TOX2: variants seen among roughly 807,000 people sequenced by gnomAD.
TOX2 encodes TOX high mobility group box family member 2.
Under a neutral mutation model 47.4 loss-of-function variants are expected in TOX2, and 15 were observed. That is an observed-to-expected ratio of 0.32 (90% CI 0.21 to 0.49). TOX2 has a LOEUF of 0.49. Among genes scored for constraint, TOX2 ranks in the 20% least tolerant of loss-of-function variants. The pLI is 0.99. For missense variants in TOX2, 622 were observed against 673.1 expected (o/e 0.92, Z 0.84); for synonymous variants, 290 against 296.6 (o/e 0.98, Z 0.23).
At position 44,068,762 on chromosome 20, in the gene TOX2, G is replaced by A; in HGVS notation, c.*76G>A. ...CTGAAGGGCTGACAGCAGAAAAGAG[G>A]CCCTGGCCAGAGGCAGGGTGGCCCA... On this transcript the variant is annotated 3_prime_UTR_variant, in exon 9 of 9. Coordinates refer to ENST00000341197, the MANE Select transcript of TOX2 (RefSeq NM_001098797.2). 6.3e-7 allele frequency: 1 copy of A among 1,595,378 alleles called. No individual in the cohort carries two copies. The highest frequency in any genetic ancestry group is 1.1e-5 in the South Asian group (1 of 89,426).
At chr20:44,037,422 G>C (rs1164709876) in intron 3 of TOX2, among the ~76,000 whole-genome samples, 3 of 152,240 alleles carry the variant, frequency 2.0e-5, no homozygotes, top group Non-Finnish European at 4.4e-5. Flanking sequence ...TGAGGGCAGG[G>C]TCATTGTTAC....
In TOX2 at chr20:43,973,451, C is replaced by T; in HGVS notation, c.165+19C>T. ...CAGCCAGGTGGGTGCCTCATCCTCC[C>T]TGAACGGGTGTCTTAAGATTTGGGC... On this transcript the variant is annotated intron_variant, in intron 2 of 8. Transcript: ENST00000341197. 2 of 1,613,566 alleles carry T rather than the reference C, an allele frequency of 1.2e-6. No homozygotes were observed. Among genetic ancestry groups the T allele is most frequent in the Non-Finnish European group, 1.7e-6 (2 of 1,179,656 alleles).
At chr20:44,051,011 A>G (rs1304803493) in intron 3 of TOX2, among the ~76,000 whole-genome samples, 1 of 151,876 alleles carries the variant, frequency 6.6e-6, no homozygotes, top group African/African-American at 2.4e-5. Context: ...AAATGATCCA[A>G]CATAACTGGA....
intron 1 of TOX2, among the ~76,000 whole-genome samples, chr20:43,943,451 T>C (rs1224628506): frequency 5.3e-5 from 8 of 152,202 alleles, no homozygotes; most frequent in Admixed American, 5.2e-4. Context: ...AATCTCGGCT[T>C]GACTGACACC....
intron 1 of TOX2, among the ~76,000 whole-genome samples, chr20:43,942,381 T>C (rs997497486): frequency 2.0e-5 from 3 of 152,112 alleles, no homozygotes; most frequent in African/African-American, 7.2e-5. Context: ...TGGGAACAGC[T>C]GAACAACAAG....
chr20:43,928,103 G>A (rs2069200966), intron 1 of TOX2, among the ~76,000 whole-genome samples: 2 of 152,148 alleles, frequency 1.3e-5, no homozygotes, highest in Non-Finnish European at 1.5e-5. Flanking sequence ...GTAGGGAAAA[G>A]CATTCCAGGT....
intron 2 of TOX2, among the ~76,000 whole-genome samples, chr20:43,983,392 T>G (rs2070203998): frequency 6.6e-6 from 1 of 152,084 alleles, no homozygotes; most frequent in Non-Finnish European, 1.5e-5. Context: ...TCTCACCACT[T>G]GGATCAAGCA....
Position 43,915,999 on chromosome 20 carries a change from TA to T in TOX2, c.99+1011del. 1.8e-6 allele frequency: 1 copy of T among 542,048 alleles called. No homozygotes were observed. Among genetic ancestry groups the T allele is most frequent in the Non-Finnish European group, 2.4e-6 (1 of 424,622 alleles). 33.6% of individuals were successfully genotyped at this position (542,048 alleles called of 1,614,324 possible). A position where few individuals can be genotyped will look rare whatever the true frequency, so the allele number is the denominator to read the frequency against. ...CCAGCCTGGATGGGTTGGGTGCCTC[TA>T]AGCAGTCCGCGTCCCCTTCGGTCGC... On this transcript the variant is annotated intron_variant, in intron 1 of 8. Coordinates refer to ENST00000341197, the MANE Select transcript of TOX2 (RefSeq NM_001098797.2). This position sits in a 1 kb window ranked among gnomAD's most constrained non-coding sequence, Gnocchi z 7.1.
chr20:43,950,126 CT>C (rs2069535914), intron 1 of TOX2, among the ~76,000 whole-genome samples: 1 of 152,144 alleles, frequency 6.6e-6, no homozygotes, highest in Non-Finnish European at 1.5e-5. Flanking sequence ...CCCAAAGACA[CT>C]TGGAATGTTT....
At chr20:43,950,903 AC>A (rs2069551599) in intron 1 of TOX2, among the ~76,000 whole-genome samples, 1 of 151,984 alleles carries the variant, frequency 6.6e-6, no homozygotes, top group South Asian at 2.1e-4. Context: ...CACAGCAAAT[AC>A]TTTTTTGGTG....
chr20:44,059,719 CT>C (rs2071682978), intron 5 of TOX2, among the ~76,000 whole-genome samples: 1 of 152,152 alleles, frequency 6.6e-6, no homozygotes, highest in African/African-American at 2.4e-5. Flanking sequence ...GAATTTGCCA[CT>C]GCCAAGCCAG....
intron 3 of TOX2, among the ~76,000 whole-genome samples, chr20:44,025,453 A>G (rs11086917): frequency 0.74 from 94,180 of 127,278 alleles, 31,167 homozygotes; most frequent in East Asian, 0.82. Flanking sequence ...GCCTTCACCA[A>G]CCGATGTTCC....
chr20:43,926,390 C>T (rs111412211), intron 1 of TOX2, among the ~76,000 whole-genome samples: 83 of 152,240 alleles, frequency 5.5e-4, no homozygotes, highest in African/African-American at 1.6e-3. Flanking sequence ...GGGTTCGTAT[C>T]CTGACACTTA....
At chr20:43,966,715 T>C (rs6017228) in intron 1 of TOX2, among the ~76,000 whole-genome samples, 28,132 of 150,184 alleles carry the variant, frequency 0.19, 4,257 homozygotes, top group African/African-American at 0.42. Context: ...GATCATGCCA[T>C]TTCACTCCAG....
intron 1 of TOX2, among the ~76,000 whole-genome samples, chr20:43,942,904 G>C (rs1329335672): frequency 6.6e-6 from 1 of 152,120 alleles, no homozygotes; most frequent in Non-Finnish European, 1.5e-5. Context: ...CTAAAAAAAT[G>C]CTGAGTTTCT....
At chr20:44,005,980 AGGTGACTCCT>A (rs1428987979) in intron 2 of TOX2, among the ~76,000 whole-genome samples, 1 of 152,034 alleles carries the variant, frequency 6.6e-6, no homozygotes, top group East Asian at 1.9e-4. Flanking sequence ...GAAGGTGCAC[AGGTGACTCCT>A]GGTTTCTAGC....
At chr20:43,936,712 G>T (rs1050568070) in intron 1 of TOX2, among the ~76,000 whole-genome samples, 3 of 152,214 alleles carry the variant, frequency 2.0e-5, no homozygotes, top group African/African-American at 7.2e-5. Flanking sequence ...GCAAACCCCA[G>T]TGTCCTGGTG....
chr20:43,989,351 C>T (rs1362723382), intron 2 of TOX2, among the ~76,000 whole-genome samples: 1 of 152,194 alleles, frequency 6.6e-6, no homozygotes, highest in African/African-American at 2.4e-5. Flanking sequence ...TCGGGAGCTG[C>T]CTATAAAGAC....
chr20:44,024,994 G>A (rs1187212906), intron 3 of TOX2, among the ~76,000 whole-genome samples: 1 of 152,074 alleles, frequency 6.6e-6, no homozygotes, highest in Non-Finnish European at 1.5e-5. Flanking sequence ...CATAATTACA[G>A]GTCTTGCTCT....
Sources: gnomAD v4.1 joint callset for allele counts (sites outside exome capture counted in the v4.1 genomes callset) on GRCh38, gnomAD v4.1.1 for gene constraint, Gnocchi (gnomAD v3.1) non-coding constraint, MANE v1.5 for transcripts, NCBI Gene and HGNC (gene_info 2026-07-23, HGNC 2026-07-21) for gene names.